The following KIAA1549 variants were observed in gnomAD, a reference collection of about 807,000 sequenced individuals.
The protein encoded by KIAA1549 is UPF0606 protein KIAA1549.
A neutral mutation model predicts 156.4 loss-of-function variants in KIAA1549; 70 were observed. That is an observed-to-expected ratio of 0.45 (90% CI 0.37 to 0.55). KIAA1549 has a LOEUF of 0.55. KIAA1549 is among the 20% of genes least tolerant of loss of function. The pLI, the probability that KIAA1549 is intolerant of heterozygous loss-of-function variation, is 0.00. For missense variants in KIAA1549, 2,428 were observed against 2,540.9 expected, an observed-to-expected ratio of 0.96 and a Z score of 0.96; for synonymous variants, 1,103 against 1,066.4, an observed-to-expected ratio of 1.03 and a Z score of -0.67.
At chr7:138,850,948 A>T (rs752955182) in intron 17 of KIAA1549, among the ~76,000 whole-genome samples, 18 of 152,144 alleles carry the variant, frequency 1.2e-4, no homozygotes, top group Non-Finnish European at 2.1e-4. Flanking sequence ...GCATATGGTA[A>T]ATTTTTAAAA....
At chr7:138,970,637 C>T (rs555164627) in intron 1 of KIAA1549, among the ~76,000 whole-genome samples, 18 of 152,170 alleles carry the variant, frequency 1.2e-4, no homozygotes, top group Non-Finnish European at 2.4e-4. Context: ...GGGTGGGGTC[C>T]GACCTTCTGC....
At chr7:138,851,520 A>T (rs911099829) in intron 17 of KIAA1549, among the ~76,000 whole-genome samples, 3 of 149,740 alleles carry the variant, frequency 2.0e-5, no homozygotes, top group Non-Finnish European at 4.4e-5. Context: ...CTTTCTAATT[A>T]AAAAAAAACC....
intron 12 of KIAA1549, among the ~76,000 whole-genome samples, chr7:138,875,611 C>A (rs1811062605): frequency 6.6e-6 from 1 of 152,080 alleles, no homozygotes; most frequent in Non-Finnish European, 1.5e-5. Context: ...TGCCACTGCA[C>A]TCGAGACTGG....
chr7:138,969,368 G>A (rs1814146939), intron 1 of KIAA1549, among the ~76,000 whole-genome samples: 1 of 152,126 alleles, frequency 6.6e-6, no homozygotes, highest in Admixed American at 6.5e-5. Context: ...CCTCACGTAA[G>A]TGGAATCCTA....
Position 138,835,800 on chromosome 7 carries a change from G to C in KIAA1549, c.*2106C>G. ...AACCAAAACCAAGACATCAAGCCCA[G>C]AAAGGGGCATTCTCTCCAATGCTCC... On this transcript the variant is annotated 3_prime_UTR_variant, in exon 20 of 20. Transcript: ENST00000422774. 4.5e-6 allele frequency: 1 copy of C among 221,932 alleles called. No homozygotes were observed. Among genetic ancestry groups the C allele is most frequent in the Non-Finnish European group, 9.0e-6 (1 of 110,916 alleles). The allele number at this position is 221,932 out of a possible 1,614,324, so 13.7% of individuals were successfully genotyped here. A position where few individuals can be genotyped will look rare whatever the true frequency, so the allele number is the denominator to read the frequency against.
At chr7:138,968,907 T>C (rs1371182186) in intron 1 of KIAA1549, among the ~76,000 whole-genome samples, 1 of 151,918 alleles carries the variant, frequency 6.6e-6, no homozygotes, top group Non-Finnish European at 1.5e-5. Flanking sequence ...AATATTTTCT[T>C]CTTAATATTT....
chr7:138,856,649 C>G (rs934447715), intron 16 of KIAA1549, among the ~76,000 whole-genome samples: 1 of 152,210 alleles, frequency 6.6e-6, no homozygotes, highest in African/African-American at 2.4e-5. Context: ...GACATGTAGG[C>G]TCCATAACCA....
chr7:138,967,696 G>GA (rs200229513), intron 1 of KIAA1549, among the ~76,000 whole-genome samples: 8 of 150,304 alleles, frequency 5.3e-5, no homozygotes, highest in East Asian at 2.0e-4. Flanking sequence ...CTGTCCAGGA[G>GA]AAAAAAAAAC....
intron 6 of KIAA1549, among the ~76,000 whole-genome samples, chr7:138,906,256 A>G (rs1483843231): frequency 6.6e-6 from 1 of 152,244 alleles, no homozygotes; most frequent in Non-Finnish European, 1.5e-5. Context: ...TTTGCATGTC[A>G]TTACACATTT....
chr7:138,923,239 TA>T lies in KIAA1549; in HGVS notation c.188-3802del, dbSNP rs34683534. On this transcript the variant is annotated intron_variant, in intron 1 of 19. Transcript: ENST00000422774. The stretch of plus-strand genomic sequence containing the variant: ...AGAAGACCCACAGTAAATGAGCTTC[TA>T]AATAAGGATAACCTTCAAATAGAAG... 1.2e-3 allele frequency among the ~76,000 whole-genome samples: 189 copies of T among 152,306 alleles called. 1 individual carries two copies. The highest frequency in any genetic ancestry group is 2.5e-3 in the Admixed American group (39 of 15,304).
chr7:138,841,797 C>A (rs1809926410), intron 18 of KIAA1549, among the ~76,000 whole-genome samples: 1 of 151,896 alleles, frequency 6.6e-6, no homozygotes, highest in Non-Finnish European at 1.5e-5. Context: ...TCTTCCTAGC[C>A]TCAACTGATC....
chr7:138,835,211 G>GT lies in KIAA1549; in HGVS notation c.*2694dup, dbSNP rs71169063. 0.02 allele frequency: 4,381 copies of GT among 216,478 alleles called. 79 individuals carry two copies. The highest frequency in any genetic ancestry group is 0.027 in the Non-Finnish European group (2,897 of 107,364). 13.4% of individuals were successfully genotyped at this position (216,478 alleles called of 1,614,324 possible). A position where few individuals can be genotyped will look rare whatever the true frequency, so the allele number is the denominator to read the frequency against. ...GGGTACGGTGCTGCTCACACAGCTA[G>GT]TTTTTTCTGAGTTTGGTGACTGGCA... On this transcript the variant is annotated 3_prime_UTR_variant, in exon 20 of 20. Transcript: ENST00000422774.
rs1584976404 is a variant in KIAA1549, at chr7:138,836,481, G to A, written c.*1425C>T. 4.7e-6 allele frequency: 1 copy of A among 214,812 alleles called. No individual in the cohort carries two copies. Among genetic ancestry groups the A allele is most frequent in the Non-Finnish European group, 9.4e-6 (1 of 106,404 alleles). The allele number at this position is 214,812 out of a possible 1,614,324, so 13.3% of individuals were successfully genotyped here. A position where few individuals can be genotyped will look rare whatever the true frequency, so the allele number is the denominator to read the frequency against. On this transcript the variant is annotated 3_prime_UTR_variant, in exon 20 of 20. Coordinates refer to ENST00000422774, the MANE Select transcript of KIAA1549 (RefSeq NM_001164665.2). Reference sequence around the variant, plus strand: ...TCTCAGAATGCATCCCCATCATTAAGCGATGCATGACTGTCTTCGCTGATC... The same window carrying A: ...TCTCAGAATGCATCCCCATCATTAAACGATGCATGACTGTCTTCGCTGATC...
chr7:138,952,669 T>A (rs892809999), intron 1 of KIAA1549, among the ~76,000 whole-genome samples: 3 of 152,182 alleles, frequency 2.0e-5, no homozygotes, highest in Non-Finnish European at 4.4e-5. Flanking sequence ...CATACTCAAG[T>A]CTAAAAATGT....
rs779444225 is a variant in KIAA1549 at position 138,861,345 on chromosome 7, C to T, written c.5041G>A (p.Glu1681Lys). 1.1e-5 allele frequency: 18 copies of T among 1,608,774 alleles called. No homozygotes were observed. The highest frequency in any genetic ancestry group is 1.7e-5 in the Admixed American group (1 of 58,288). ...SQYIPPQPSIEEARQTMHSLL... is the reference protein window; with the variant it reads ...SQYIPPQPSIKEARQTMHSLL... The stretch of plus-strand genomic sequence containing the variant: ...GAGTGCATGGTCTGGCGTGCCTCCT[C>T]GATGGACGGCTGGGGTGGGATGTAC... Residue 1681 changes from glutamate (E) to lysine (K), a missense_variant, in exon 16 of 20, where the codon GAG becomes AAG. This residue lies in a region of KIAA1549 where 6 missense variants were observed against 20.4 expected (regional missense o/e 0.29). Coordinates refer to ENST00000422774, the MANE Select transcript of KIAA1549 (RefSeq NM_001164665.2).
chr7:138,839,879 C>T (rs1809856676), intron 19 of KIAA1549, among the ~76,000 whole-genome samples: 1 of 144,306 alleles, frequency 6.9e-6, no homozygotes. Flanking sequence ...CCTCCATCTC[C>T]CGGGTTCAAG....
intron 8 of KIAA1549, among the ~76,000 whole-genome samples, chr7:138,899,692 T>C (rs1584740489): frequency 1.3e-5 from 2 of 152,108 alleles, no homozygotes; most frequent in Non-Finnish European, 2.9e-5. Context: ...ACCCCCATCC[T>C]GCACCACCCA....
chr7:138,919,653 G>C (rs927487213), intron 1 of KIAA1549, among the ~76,000 whole-genome samples: 3 of 152,134 alleles, frequency 2.0e-5, no homozygotes, highest in Non-Finnish European at 2.9e-5. Context: ...CTTGGGCACT[G>C]TTTTTACCTA....
chr7:138,852,224 T>C lies in KIAA1549; in HGVS notation c.5293A>G (p.Arg1765Gly). The C allele has an allele frequency of 6.2e-7, 1 of 1,609,304 alleles. No individual in the cohort carries two copies. Among genetic ancestry groups the C allele is most frequent in the Non-Finnish European group, 8.5e-7 (1 of 1,176,670 alleles). ...TACATTTTGTTTTGAAAACCTTACC[T>C]TGGCAATGGACCCGTCGGGGGAGTC... ...GMTPPTGPLP[R>G]PGFGPGLLQS... is the part of the protein sequence containing the mutation. Residue 1765 changes from arginine (R) to glycine (G), a missense_variant and splice_region_variant, in exon 17 of 20, where the codon AGA becomes GGA. By Grantham distance (125) the Arg-to-Gly change is moderately radical. Around this residue, in one of 5 missense-constraint regions of KIAA1549, gnomAD observed 363 missense variants for 354.0 expected, o/e 1.03. Transcript: ENST00000422774.
Sources: gnomAD v4.1 joint callset for allele counts (sites outside exome capture counted in the v4.1 genomes callset) on GRCh38, gnomAD v4.1.1 for gene constraint, gnomAD v4.1.1 regional missense constraint, MANE v1.5 for transcripts, NCBI Gene and HGNC (gene_info 2026-07-23, HGNC 2026-07-21) for gene names.